The following UBE4B variants were observed in gnomAD, a reference collection of about 807,000 sequenced individuals.
UBE4B encodes ubiquitination factor E4B.
Under a neutral mutation model 148.1 loss-of-function variants are expected in UBE4B, and 27 were observed. That is an observed-to-expected ratio of 0.18 (90% CI 0.13 to 0.25). The LOEUF (loss-of-function observed/expected upper bound fraction) is 0.25, where lower values mean the gene tolerates loss of function less well. Among genes scored for constraint, UBE4B ranks in the 10% least tolerant of loss-of-function variants. The pLI, the probability that UBE4B is intolerant of heterozygous loss-of-function variation, is 1.00. For missense variants in UBE4B, 1,170 were observed against 1,662.4 expected (o/e 0.70, Z 5.15); for synonymous variants, 596 against 619.3 (o/e 0.96, Z 0.56).
At chr1:10,111,849 A>G (rs531409905) in intron 7 of UBE4B, among the ~76,000 whole-genome samples, 1 of 152,120 alleles carries the variant, frequency 6.6e-6, no homozygotes, top group South Asian at 2.1e-4. Context: ...CCCAGCTACT[A>G]GAGAGGCTGA....
In UBE4B at chr1:10,137,277, G is replaced by A. The variant is rs1570959708; in HGVS notation, c.2363+72G>A. ...TTTCTCAGGGGCAGGCAATTCCATT[G>A]TGAACAGTAGTTTTGAATGTTGGGG... is the stretch of plus-strand genomic sequence containing the variant. On this transcript the variant is annotated intron_variant, in intron 17 of 27. Coordinates refer to ENST00000343090, the MANE Select transcript of UBE4B (RefSeq NM_001105562.3). 8 of 1,586,452 alleles carry A rather than the reference G, an allele frequency of 5.0e-6. No homozygotes were observed. The East Asian group carries it at 1.8e-4, about 36-fold the overall frequency.
At chr1:10,093,740 G>A (rs1644885367) in intron 2 of UBE4B, among the ~76,000 whole-genome samples, 1 of 151,254 alleles carries the variant, frequency 6.6e-6, no homozygotes, top group South Asian at 2.1e-4. Context: ...TGTCACCCAG[G>A]CTGCAGGGCA....
At chr1:10,041,223 A>G (rs1557504186) in intron 1 of UBE4B, among the ~76,000 whole-genome samples, 2 of 152,074 alleles carry the variant, frequency 1.3e-5, no homozygotes, top group Non-Finnish European at 2.9e-5. Context: ...GCACACAACT[A>G]GTAAGTGGTA....
At chr1:10,177,851 A>G (rs1557621943) in intron 25 of UBE4B, among the ~76,000 whole-genome samples, 1 of 152,142 alleles carries the variant, frequency 6.6e-6, no homozygotes, top group Non-Finnish European at 1.5e-5. Context: ...TGAATTAGGC[A>G]CCTGTGAGGT....
At chr1:10,143,132 C>T (rs1485578131) in intron 17 of UBE4B, among the ~76,000 whole-genome samples, 2 of 151,982 alleles carry the variant, frequency 1.3e-5, no homozygotes, top group East Asian at 1.9e-4. Context: ...AGGCTGGGCA[C>T]GTGTCTGACA....
chr1:10,055,415 G>A (rs945107020), intron 1 of UBE4B, among the ~76,000 whole-genome samples: 4 of 151,968 alleles, frequency 2.6e-5, no homozygotes, highest in South Asian at 2.1e-4. Flanking sequence ...CCTGGGCTCC[G>A]GTGATCCTCC....
rs148680724 is a variant in UBE4B, at chr1:10,043,340, C to G, written c.24+9646C>G. The stretch of plus-strand genomic sequence containing the variant: ...CAGTAAAAACTTACTGAGATCTCAA[C>G]TGTTTTTCAATCATTTCTGAGATGT... On this transcript the variant is annotated intron_variant, in intron 1 of 27. Coordinates refer to ENST00000343090, the MANE Select transcript of UBE4B (RefSeq NM_001105562.3). 5.3e-3 allele frequency among the ~76,000 whole-genome samples: 804 copies of G among 150,852 alleles called. 9 individuals are homozygous for G. The highest frequency in any genetic ancestry group is 0.018 in the African/African-American group (750 of 41,088).
intron 19 of UBE4B, among the ~76,000 whole-genome samples, chr1:10,148,956 A>G (rs573826219): frequency 1.1e-4 from 17 of 152,206 alleles, no homozygotes; most frequent in Non-Finnish European, 2.1e-4. Context: ...GAAAAAAAAG[A>G]AATCAAGAAA....
intron 3 of UBE4B, among the ~76,000 whole-genome samples, chr1:10,097,584 G>A (rs1253230043): frequency 6.6e-6 from 1 of 152,172 alleles, no homozygotes; most frequent in African/African-American, 2.4e-5. Flanking sequence ...GCCGACGCAG[G>A]TGTTCACTTG....
In UBE4B at chr1:10,122,346, G is replaced by A. The variant is rs150282608; in HGVS notation, c.1554+270G>A. ...ATATGAAAAAAATATGTAAGGCCCCGTTCCTGATTTCAAGGAGCTTTTAAA... is the reference window on the plus strand; with the variant it reads ...ATATGAAAAAAATATGTAAGGCCCCATTCCTGATTTCAAGGAGCTTTTAAA... On this transcript the variant is annotated intron_variant, in intron 10 of 27. Transcript: ENST00000343090. Among the ~76,000 whole-genome samples, 362 of 152,168 alleles carry A rather than the reference G, an allele frequency of 2.4e-3. 4 individuals are homozygous for A. Among genetic ancestry groups the A allele is most frequent in the Non-Finnish European group, 3.6e-3 (242 of 68,016 alleles).
In UBE4B at chr1:10,130,732, A is replaced by G. The variant is rs1450791257; in HGVS notation, c.1830A>G (p.Lys610=). The G allele has an allele frequency of 6.2e-7, 1 of 1,614,140 alleles. No individual in the cohort carries two copies. The highest frequency in any genetic ancestry group is 2.2e-5 in the East Asian group (1 of 44,882). Residue 610 remains lysine, a synonymous_variant, in exon 14 of 28, where the codon AAA becomes AAG. Transcript: ENST00000343090. ...CTTTCCAGGTTAAAGTGGTTGAAAAATACTTCTCAGGGCCTGCCATTACCC... is the reference window on the plus strand; with the variant it reads ...CTTTCCAGGTTAAAGTGGTTGAAAAGTACTTCTCAGGGCCTGCCATTACCC... ...FAEDDVKVVE[K]YFSGPAITLE... is the part of the protein sequence containing the mutation.
intron 4 of UBE4B, among the ~76,000 whole-genome samples, chr1:10,102,729 T>C (rs1276497012): frequency 6.6e-6 from 1 of 151,968 alleles, no homozygotes; most frequent in African/African-American, 2.4e-5. Context: ...TCTTTTATGC[T>C]CCCCATAGAT....
intron 11 of UBE4B, 26 bp from the exon 12 acceptor site, chr1:10,129,366 T>G: frequency 6.3e-7 from 1 of 1,599,586 alleles, no homozygotes; most frequent in South Asian, 1.1e-5. Context: ...TGAAATGCAT[T>G]TAAATGACTC....
intron 2 of UBE4B, among the ~76,000 whole-genome samples, chr1:10,082,324 C>T (rs972410177): frequency 3.3e-5 from 5 of 151,816 alleles, no homozygotes; most frequent in Non-Finnish European, 7.4e-5. Context: ...CATAGCGAGA[C>T]GTTACCTCTA....
chr1:10,153,622 C>T (rs1029251918), intron 21 of UBE4B, among the ~76,000 whole-genome samples: 6 of 148,962 alleles, frequency 4.0e-5, no homozygotes, highest in Admixed American at 1.3e-4. Context: ...GAGTTCGAGA[C>T]TAGCCTGACC....
At chr1:10,095,825 G>A (rs962672926) in intron 3 of UBE4B, among the ~76,000 whole-genome samples, 2 of 152,218 alleles carry the variant, frequency 1.3e-5, no homozygotes, top group African/African-American at 2.4e-5. Flanking sequence ...AGGCTGGAGT[G>A]CAGTGGTGCG....
intron 1 of UBE4B, among the ~76,000 whole-genome samples, chr1:10,036,272 A>AT (rs1436266895): frequency 2.0e-5 from 3 of 152,052 alleles, no homozygotes; most frequent in African/African-American, 7.2e-5. Flanking sequence ...TTTTGTGACC[A>AT]TATGAGGAAC....
chr1:10,160,672 T>TGTG (rs1646145824), intron 22 of UBE4B, among the ~76,000 whole-genome samples: 1 of 152,036 alleles, frequency 6.6e-6, no homozygotes. Flanking sequence ...CCAGGCCAGG[T>TGTG]GTGGTGGCTC....
At chr1:10,060,254 A>G (rs909217557) in intron 1 of UBE4B, among the ~76,000 whole-genome samples, 4 of 152,210 alleles carry the variant, frequency 2.6e-5, no homozygotes, top group African/African-American at 9.6e-5. Context: ...GGCATAGCCT[A>G]TTCCACACGT....
Sources: gnomAD v4.1 joint callset for allele counts (sites outside exome capture counted in the v4.1 genomes callset) on GRCh38, gnomAD v4.1.1 for gene constraint, MANE v1.5 for transcripts, NCBI Gene and HGNC (gene_info 2026-07-23, HGNC 2026-07-21) for gene names.